MEIS1: variants seen among roughly 807,000 people sequenced by gnomAD.
The protein encoded by MEIS1 is Meis homeobox 1.
In MEIS1, 5 loss-of-function variants were observed where a neutral mutation model predicts 50.8. That is an observed-to-expected ratio of 0.10 (90% CI 0.05 to 0.21). The LOEUF (loss-of-function observed/expected upper bound fraction) is 0.21, where lower values mean the gene tolerates loss of function less well. Ranked by LOEUF, MEIS1 falls within the 10% of genes least tolerant of loss-of-function variation. The pLI is 1.00. For synonymous variants in MEIS1, 176 were observed against 179.3 expected, an observed-to-expected ratio of 0.98 and a Z score of 0.15; for missense variants, 318 against 517.3, an observed-to-expected ratio of 0.61 and a Z score of 3.74.
intron 4 of MEIS1, chr2:66,440,897 C>T (rs555221355): frequency 8.2e-6 from 4 of 485,216 alleles, no homozygotes; most frequent in South Asian, 3.6e-5. Context: ...ATTTATCTCC[C>T]GGCCTGTCAG....
At chr2:66,445,560 G>A (rs1296829801) in intron 6 of MEIS1, among the ~76,000 whole-genome samples, 1 of 152,248 alleles carries the variant, frequency 6.6e-6, no homozygotes, top group East Asian at 1.9e-4. Flanking sequence ...AGCCTCCGCA[G>A]AGGGTGCGCT....
chr2:66,551,223 C>T (rs1416916351), intron 9 of MEIS1, among the ~76,000 whole-genome samples: 2 of 152,262 alleles, frequency 1.3e-5, no homozygotes, highest in South Asian at 2.1e-4. Flanking sequence ...AAGTTTGCTA[C>T]ATTTTAATGG....
chr2:66,480,416 G>A (rs1268927535), intron 7 of MEIS1, among the ~76,000 whole-genome samples: 2 of 152,184 alleles, frequency 1.3e-5, no homozygotes, highest in African/African-American at 4.8e-5. Context: ...TGAGATGGCA[G>A]AATCTAAGCC....
chr2:66,542,287 T>G (rs1349946259), intron 8 of MEIS1, among the ~76,000 whole-genome samples: 1 of 152,194 alleles, frequency 6.6e-6, no homozygotes, highest in Non-Finnish European at 1.5e-5. Context: ...GGTAGATTTT[T>G]TTTTTTTCTT....
chr2:66,492,967 A>C (rs4671729), intron 7 of MEIS1, among the ~76,000 whole-genome samples: 15,800 of 152,190 alleles, frequency 0.1, 962 homozygotes, highest in South Asian at 0.26. Context: ...TAGACCTCCT[A>C]CCTTCATAAA....
intron 9 of MEIS1, among the ~76,000 whole-genome samples, chr2:66,564,218 T>G (rs1291670601): frequency 6.6e-6 from 1 of 152,210 alleles, no homozygotes; most frequent in Non-Finnish European, 1.5e-5. Flanking sequence ...GTTTATGTTT[T>G]ATTTTTTAAT....
chr2:66,462,850 A>G (rs1415347661), intron 6 of MEIS1, among the ~76,000 whole-genome samples: 1 of 152,138 alleles, frequency 6.6e-6, no homozygotes, highest in Non-Finnish European at 1.5e-5. Context: ...ATATCTTTCT[A>G]TGACTTTATT....
intron 7 of MEIS1, among the ~76,000 whole-genome samples, chr2:66,486,367 C>T (rs1290828600): frequency 2.0e-5 from 3 of 152,110 alleles, no homozygotes; most frequent in Admixed American, 6.5e-5. Context: ...TCTTTCCCCA[C>T]TGCTTGTTTT....
intron 6 of MEIS1, among the ~76,000 whole-genome samples, chr2:66,453,197 T>A (rs954189097): frequency 5.3e-5 from 8 of 151,946 alleles, no homozygotes; most frequent in Non-Finnish European, 8.8e-5. Flanking sequence ...AACATGCCAA[T>A]AGAAAAATAG....
intron 7 of MEIS1, among the ~76,000 whole-genome samples, chr2:66,481,660 G>A (rs990974907): frequency 5.9e-5 from 9 of 152,034 alleles, no homozygotes; most frequent in African/African-American, 2.2e-4. Context: ...CCATAAGGCT[G>A]ACAGTATTAT....
At chr2:66,440,058 C>G (rs747319026) in intron 3 of MEIS1, 74 bp downstream of exon 3, 1 of 1,409,810 alleles carries the variant, frequency 7.1e-7, no homozygotes, top group East Asian at 2.5e-5. Context: ...CACGCGCGCG[C>G]GCGCGCGCGA....
At chr2:66,480,732 C>T (rs147276503) in intron 7 of MEIS1, among the ~76,000 whole-genome samples, 4 of 152,164 alleles carry the variant, frequency 2.6e-5, no homozygotes, top group Non-Finnish European at 4.4e-5. Context: ...TCTAAGAAAA[C>T]GATAGGAAAG....
chr2:66,501,255 G>C (rs1232148332), intron 7 of MEIS1, among the ~76,000 whole-genome samples: 1 of 152,134 alleles, frequency 6.6e-6, no homozygotes, highest in Non-Finnish European at 1.5e-5. Context: ...CTTTGCACTT[G>C]AAAGTGCAAA....
chr2:66,486,083 C>T (rs1673135597), intron 7 of MEIS1, among the ~76,000 whole-genome samples: 1 of 152,186 alleles, frequency 6.6e-6, no homozygotes, highest in East Asian at 1.9e-4. Context: ...TTTTGCTGTA[C>T]AGAAGCTCTT....
chr2:66,568,028 G>C (rs1244605785), intron 10 of MEIS1: 1 of 180,722 alleles, frequency 5.5e-6, no homozygotes, highest in Non-Finnish European at 1.2e-5. Context: ...TAAAACACGG[G>C]ATTCAGGTAG....
Position 66,512,301 on chromosome 2 carries a change from G to A in MEIS1, c.888+7G>A, listed in dbSNP as rs1419217586. 1 of 1,607,070 alleles carries A rather than the reference G, an allele frequency of 6.2e-7. No homozygotes were observed. Among genetic ancestry groups the A allele is most frequent in the Non-Finnish European group, 8.5e-7 (1 of 1,177,574 alleles). Reference sequence around the variant, plus strand: ...GCTGTTCCAGCATCTAACAGTAAGTGGATTCTAAATGACATATATAAACTA... The same window carrying A: ...GCTGTTCCAGCATCTAACAGTAAGTAGATTCTAAATGACATATATAAACTA... On this transcript the variant is annotated splice_region_variant and intron_variant, in intron 8 of 12. Coordinates refer to ENST00000272369, the MANE Select transcript of MEIS1 (RefSeq NM_002398.3).
intron 7 of MEIS1, among the ~76,000 whole-genome samples, chr2:66,497,559 ACTTTTTTC>A (rs1558539928): frequency 6.6e-6 from 1 of 152,122 alleles, no homozygotes; most frequent in African/African-American, 2.4e-5. Flanking sequence ...AAATGATATA[ACTTTTTTC>A]CTTATCAGTA....
chr2:66,552,894 G>T (rs775182202), intron 9 of MEIS1, among the ~76,000 whole-genome samples: 1 of 152,134 alleles, frequency 6.6e-6, no homozygotes. Flanking sequence ...ATCAATAGGG[G>T]TCATAGGGTT....
intron 8 of MEIS1, among the ~76,000 whole-genome samples, chr2:66,535,723 C>T (rs1425314047): frequency 6.6e-6 from 1 of 152,096 alleles, no homozygotes; most frequent in Admixed American, 6.5e-5. Context: ...AAAGGGTTTG[C>T]TTAAGAAGGT....
Sources: gnomAD v4.1 joint callset for allele counts (sites outside exome capture counted in the v4.1 genomes callset) on GRCh38, gnomAD v4.1.1 for gene constraint, MANE v1.5 for transcripts, NCBI Gene and HGNC (gene_info 2026-07-23, HGNC 2026-07-21) for gene names.